The following DNAH12 variants were observed in gnomAD, a reference collection of about 807,000 sequenced individuals.
DNAH12 encodes dynein axonemal heavy chain 12.
A neutral mutation model predicts 371.5 loss-of-function variants in DNAH12; 285 were observed. The ratio of observed to expected loss-of-function variants is 0.77; its 90% CI spans 0.70 to 0.85. DNAH12 has a LOEUF of 0.85. Ranked by LOEUF, DNAH12 falls within the 40% of genes least tolerant of loss-of-function variation. The probability of loss-of-function intolerance (pLI) is 0.00; values close to 1 mark genes in which losing one functional copy is unlikely to be tolerated. For missense variants in DNAH12, 3,611 were observed against 3,689.4 expected (o/e 0.98, Z 0.55); for synonymous variants, 1,200 against 1,213.0 (o/e 0.99, Z 0.22).
At position 57,504,091 on chromosome 3, in the gene DNAH12, C is replaced by T. The variant is rs774294656; in HGVS notation, c.1011G>A (p.Met337Ile). ...KIELTFDDDK[M>I]EFYPTFQDLE... is the part of the protein sequence containing the mutation. ...AATCTTGAAAGGTAGGATAAAATTC[C>T]ATTTTGTCGTCATCAAATGTCAATT... Residue 337 changes from methionine (M) to isoleucine (I), a missense_variant, in exon 9 of 74, where the codon ATG (methionine) becomes ATA (isoleucine). Around this residue, in one of 3 missense-constraint regions of DNAH12, gnomAD observed 1,314 missense variants for 1,398.7 expected, o/e 0.94. Transcript: ENST00000495027. The T allele has an allele frequency of 6.2e-7, 1 of 1,613,898 alleles. No homozygotes were observed. The highest frequency in any genetic ancestry group is 8.5e-7 in the Non-Finnish European group (1 of 1,179,900).
intron 32 of DNAH12, among the ~76,000 whole-genome samples, chr3:57,431,599 T>G (rs1170955946): frequency 6.6e-6 from 1 of 152,226 alleles, no homozygotes. Context: ...GCTTTTGTCC[T>G]ATGGTCTAAT....
chr3:57,528,721 T>C (rs1331711027), intron 2 of DNAH12, among the ~76,000 whole-genome samples: 6 of 148,732 alleles, frequency 4.0e-5, no homozygotes, highest in Admixed American at 4.0e-4. Flanking sequence ...AGCTAAACTC[T>C]GTCTCAAAAA....
rs569226556 is a variant in DNAH12, at chr3:57,479,008, T to C, written c.1650+4368A>G. ...AAGACCATCGAGGCTAGGAAGAAAC[T>C]GCATCAAGTAACGAGCAAAATAACC... On this transcript the variant is annotated intron_variant, in intron 13 of 73. Transcript: ENST00000495027. Among the ~76,000 whole-genome samples, 7 of 152,272 alleles carry C rather than the reference T, an allele frequency of 4.6e-5. No individual in the cohort carries two copies. In the South Asian group the frequency reaches 6.2e-4, roughly 14 times the overall value.
At chr3:57,353,459 G>A (rs1171752025) in intron 59 of DNAH12, among the ~76,000 whole-genome samples, 1 of 151,930 alleles carries the variant, frequency 6.6e-6, no homozygotes, top group African/African-American at 2.4e-5. Context: ...TGCCCAGCTA[G>A]TTTTTTTGTA....
intron 69 of DNAH12, 99 bp downstream of exon 69, chr3:57,309,052 C>CA (rs2061532036): frequency 1.1e-6 from 1 of 895,852 alleles, no homozygotes; most frequent in African/African-American, 1.7e-5. Context: ...ATACCACCCT[C>CA]AAAATTTTCG....
chr3:57,315,876 G>A (rs1018661683), intron 65 of DNAH12, among the ~76,000 whole-genome samples: 1 of 152,114 alleles, frequency 6.6e-6, no homozygotes, highest in African/African-American at 2.4e-5. Context: ...GGCTCCTGTT[G>A]CATCAGAGAA....
intron 66 of DNAH12, among the ~76,000 whole-genome samples, chr3:57,313,593 C>T (rs933289955): frequency 2.6e-5 from 4 of 152,186 alleles, no homozygotes; most frequent in African/African-American, 9.7e-5. Context: ...GCACAGCTTG[C>T]AGTAAGCAGA....
intron 45 of DNAH12, among the ~76,000 whole-genome samples, chr3:57,389,489 C>G: frequency 6.6e-6 from 1 of 152,142 alleles, no homozygotes; most frequent in South Asian, 2.1e-4. Flanking sequence ...CACGTTCTTT[C>G]CGTCTTGTTG....
chr3:57,555,602 T>C, the DNAH12 span, among the ~76,000 whole-genome samples: 1 of 152,170 alleles, frequency 6.6e-6, no homozygotes, highest in Non-Finnish European at 1.5e-5. Context: ...CAATTAATAG[T>C]TGTGTGACCC....
intron 39 of DNAH12, among the ~76,000 whole-genome samples, chr3:57,412,197 T>C (rs2064229099): frequency 6.6e-6 from 1 of 152,136 alleles, no homozygotes; most frequent in African/African-American, 2.4e-5. Context: ...CTTGACAACA[T>C]AGCAAGACCC....
chr3:57,334,762 C>T lies in DNAH12; in HGVS notation c.9833+20G>A. The T allele has an allele frequency of 6.5e-7, 1 of 1,531,632 alleles. No homozygotes were observed. Among genetic ancestry groups the T allele is most frequent in the Non-Finnish European group, 8.8e-7 (1 of 1,140,838 alleles). The allele number at this position is 1,531,632 out of a possible 1,614,324, so 94.9% of individuals were successfully genotyped here. ...TACATATTGCCATTCAATGATAAAT[C>T]ATCGAATTTAAACAATCACCTGAGT... On this transcript the variant is annotated intron_variant, in intron 61 of 73. Coordinates refer to ENST00000495027, the MANE Select transcript of DNAH12 (RefSeq NM_001366028.2).
intron 36 of DNAH12, 100 bp downstream of exon 36, chr3:57,421,418 G>T (rs940277597): frequency 1.7e-6 from 2 of 1,161,064 alleles, no homozygotes; most frequent in African/African-American, 1.6e-5. Flanking sequence ...AAAGCTCACC[G>T]CAGGAGTCAA....
intron 19 of DNAH12, among the ~76,000 whole-genome samples, chr3:57,460,633 T>G (rs2066028733): frequency 6.6e-6 from 1 of 152,208 alleles, no homozygotes; most frequent in Non-Finnish European, 1.5e-5. Flanking sequence ...TGGGATAATG[T>G]CCAGCCTTAT....
At chr3:57,472,507 T>C (rs2066395126) in intron 14 of DNAH12, 39 bp downstream of exon 14, 2 of 1,525,286 alleles carry the variant, frequency 1.3e-6, no homozygotes, top group East Asian at 2.5e-5. Context: ...GTGCTTGAAA[T>C]GTCAGATTAC....
Position 57,309,814 on chromosome 3 carries a change from T to C in DNAH12, c.10937A>G (p.His3646Arg), listed in dbSNP as rs1326498045. 2 of 1,551,000 alleles carry C rather than the reference T, an allele frequency of 1.3e-6. No individual in the cohort carries two copies. Among genetic ancestry groups the C allele is most frequent in the East Asian group, 2.4e-5 (1 of 40,918 alleles). Residue 3646 changes from histidine to arginine, a missense_variant, in exon 68 of 74, where the codon CAT (histidine) becomes CGT (arginine). By Grantham distance (29) the His-to-Arg change is conservative (BLOSUM62 0). Transcript: ENST00000495027. ...ATCCTTGGAGATGTCAACGTTTTCA[T>C]GTAATCCAAATATCTCAGGGTGTTG... is the stretch of plus-strand genomic sequence containing the variant. The part of the protein sequence containing the change: ...FTQHPEIFGL[H>R]ENVDISKDLQ...
At chr3:57,501,897 A>G (rs1255946123) in intron 10 of DNAH12, among the ~76,000 whole-genome samples, 1 of 138,232 alleles carries the variant, frequency 7.2e-6, no homozygotes, top group African/African-American at 2.7e-5. Flanking sequence ...AACAAAATGT[A>G]TTGGGTTTGA....
intron 62 of DNAH12, among the ~76,000 whole-genome samples, chr3:57,325,318 C>A (rs1009086935): frequency 1.3e-5 from 2 of 152,206 alleles, no homozygotes; most frequent in East Asian, 3.8e-4. Flanking sequence ...CTGGGAGGCA[C>A]CCCCAAGTAG....
chr3:57,314,346 T>A, intron 66 of DNAH12, 148 bp downstream of exon 66: 1 of 992,688 alleles, frequency 1.0e-6, no homozygotes, highest in Non-Finnish European at 1.5e-6. Context: ...AGAATCCAGA[T>A]GGAGATAGTG....
At chr3:57,495,774 T>G (rs2067292190) in intron 11 of DNAH12, among the ~76,000 whole-genome samples, 1 of 143,938 alleles carries the variant, frequency 6.9e-6, no homozygotes, top group Non-Finnish European at 1.5e-5. Context: ...TTATTTTATA[T>G]ATTTTTATAT....
Sources: allele counts gnomAD v4.1 joint callset (sites outside exome capture counted in the v4.1 genomes callset), GRCh38; gene constraint gnomAD v4.1.1; regional missense constraint gnomAD v4.1.1; transcripts MANE v1.5; gene names NCBI Gene and HGNC (gene_info 2026-07-23, HGNC 2026-07-21).